Variants in MN1 observed in about 807,000 individuals in gnomAD.
MN1 encodes transcriptional activator MN1.
In MN1, 19 loss-of-function variants were observed where a neutral mutation model predicts 86.9. That is an observed-to-expected ratio of 0.22 (90% CI 0.15 to 0.32). The LOEUF (loss-of-function observed/expected upper bound fraction) is 0.32. MN1 is among the 10% of genes least tolerant of loss of function. MN1 has a pLI of 1.00. For missense variants in MN1, 1,841 were observed against 1,862.0 expected (o/e 0.99, Z 0.21); for synonymous variants, 928 against 849.6 (o/e 1.09, Z -1.60).
chr22:27,781,192 A>C (rs1933049200), intron 1 of MN1, among the ~76,000 whole-genome samples: 1 of 152,100 alleles, frequency 6.6e-6, no homozygotes, highest in Non-Finnish European at 1.5e-5. Flanking sequence ...TGGCCTCCCA[A>C]AGTGCTGGGA....
chr22:27,799,444 A>T lies in MN1; in HGVS notation c.1100T>A (p.Leu367His). 6.1e-6 allele frequency: 9 copies of T among 1,465,642 alleles called. No homozygotes were observed. The highest frequency in any genetic ancestry group is 8.1e-6 in the Non-Finnish European group (9 of 1,111,770). The allele number at this position is 1,465,642 out of a possible 1,614,324, so 90.8% of individuals were successfully genotyped here. ...CGGGCACGAATTTTGTCGGACTAGAAGCCCGGGTGGCGGCGGCGGCTGCTG... is the reference window on the plus strand; with the variant it reads ...CGGGCACGAATTTTGTCGGACTAGATGCCCGGGTGGCGGCGGCGGCTGCTG... ...PQQQPPPPPG[L>H]LVRQNSCPPA... Residue 367 changes from leucine (L) to histidine (H), a missense_variant, in exon 1 of 2, where the codon CTT becomes CAT. Physicochemically the swap from Leu to His is moderately conservative, Grantham distance 99 (BLOSUM62 -3). Coordinates refer to ENST00000302326, the MANE Select transcript of MN1 (RefSeq NM_002430.3).
chr22:27,794,011 GCTGGTA>G (rs1933250298), intron 1 of MN1, among the ~76,000 whole-genome samples: 1 of 152,132 alleles, frequency 6.6e-6, no homozygotes, highest in African/African-American at 2.4e-5. Flanking sequence ...AAATGCTGGG[GCTGGTA>G]CCTAGAGAAG....
chr22:27,782,085 AACT>A (rs1224827132), intron 1 of MN1, among the ~76,000 whole-genome samples: 1 of 152,148 alleles, frequency 6.6e-6, no homozygotes. Flanking sequence ...CATATCAGGG[AACT>A]ATTCCTTGGG....
At chr22:27,795,135 T>C (rs191370506) in intron 1 of MN1, among the ~76,000 whole-genome samples, 2 of 152,172 alleles carry the variant, frequency 1.3e-5, no homozygotes, top group Admixed American at 1.3e-4. Flanking sequence ...GGGAGAAGCC[T>C]GGAGAATGCT....
chr22:27,751,068 T>C lies in MN1; in HGVS notation c.3810A>G (p.Ser1270=). The C allele has an allele frequency of 1.3e-6, 2 of 1,591,326 alleles. No individual in the cohort carries two copies. Among genetic ancestry groups the C allele is most frequent in the Non-Finnish European group, 1.7e-6 (2 of 1,165,580 alleles). The change falls in exon 2 of 2, where the codon TCA becomes TCG. Residue 1270 remains serine, a synonymous_variant. Transcript: ENST00000302326. ...GCAAGTGGCTGCCAGGCTGGGATGC[T>C]GAGGCCTTGTTTGCAGGGAGGTCGT... ...EAHDLPANKA[S]ASQPGSHLQC...
chr22:27,798,511 C>T lies in MN1; in HGVS notation c.2033G>A (p.Gly678Asp). 3 of 1,535,712 alleles carry T rather than the reference C, an allele frequency of 2.0e-6. No homozygotes were observed. The highest frequency in any genetic ancestry group is 1.2e-5 in the South Asian group (1 of 80,890). ...PPGGSGVLFR[G>D]PLQEPMRMPG... is the part of the protein sequence containing the mutation. ...CATCCTCATCGGCTCCTGCAGAGGG[C>T]CCCGGAACAGCACCCCCGAGCCACC... The change falls in exon 1 of 2, where the codon GGC (glycine) becomes GAC (aspartate). Residue 678 changes from glycine to aspartate, a missense_variant. By Grantham distance (94) the Gly-to-Asp change is moderately conservative. Coordinates refer to ENST00000302326, the MANE Select transcript of MN1 (RefSeq NM_002430.3).
chr22:27,758,885 G>A (rs537937266), intron 1 of MN1, among the ~76,000 whole-genome samples: 1 of 152,238 alleles, frequency 6.6e-6, no homozygotes, highest in Non-Finnish European at 1.5e-5. Context: ...GAGTGCAGTG[G>A]CATGATCACA....
At chr22:27,775,738 C>T (rs1354145835) in intron 1 of MN1, among the ~76,000 whole-genome samples, 1 of 152,218 alleles carries the variant, frequency 6.6e-6, no homozygotes, top group Admixed American at 6.5e-5. Flanking sequence ...AGAGTCCCCT[C>T]CGACTCTAAT....
rs771246945 is a variant in MN1, at chr22:27,798,944, G to GC, written c.1599_1600insG (p.Gln534AlafsTer26). The GC allele has an allele frequency of 2.5e-4, 396 of 1,563,572 alleles. No homozygotes were observed. In the African/African-American group the frequency reaches 3.2e-3, roughly 13 times the overall value. On this transcript the variant is annotated frameshift_variant, in exon 1 of 2. Coordinates refer to ENST00000302326, the MANE Select transcript of MN1 (RefSeq NM_002430.3). LOFTEE classifies it high-confidence loss of function. ...TGCTGTTGCTGCTGCTGCTGCTGCT[G>GC]TTGCTGCTGCTGCTGCTGCTGCTGC...
Position 27,750,697 on chromosome 22 carries a change from CT to C in MN1, c.*217del, listed in dbSNP as rs1568968755. 1 of 413,794 alleles carries C rather than the reference CT, an allele frequency of 2.4e-6. No homozygotes were observed. Among genetic ancestry groups the C allele is most frequent in the African/African-American group, 2.0e-5 (1 of 49,382 alleles). 25.6% of individuals were successfully genotyped at this position (413,794 alleles called of 1,614,324 possible). On this transcript the variant is annotated 3_prime_UTR_variant, in exon 2 of 2. Coordinates refer to ENST00000302326, the MANE Select transcript of MN1 (RefSeq NM_002430.3). ...GTAACATACTGTGGCAGACAAGTTT[CT>C]TTTTTAAAAAAACTTTTGAGGTTCC... is the stretch of plus-strand genomic sequence containing the variant.
At chr22:27,785,487 T>A (rs1933118048) in intron 1 of MN1, among the ~76,000 whole-genome samples, 1 of 152,242 alleles carries the variant, frequency 6.6e-6, no homozygotes, top group African/African-American at 2.4e-5. Flanking sequence ...AAAGTTTTTT[T>A]AAAGTCTTCC....
chr22:27,790,372 G>A (rs553586195), intron 1 of MN1, among the ~76,000 whole-genome samples: 5 of 152,304 alleles, frequency 3.3e-5, no homozygotes, highest in South Asian at 2.1e-4. Context: ...TCCTGTCATC[G>A]GAAGATGGCA....
chr22:27,790,702 G>C (rs1933199647), intron 1 of MN1, among the ~76,000 whole-genome samples: 1 of 142,042 alleles, frequency 7.0e-6, no homozygotes. Flanking sequence ...GGGGAGTAAA[G>C]AAGGGGAGGG....
At chr22:27,787,597 A>G (rs1424650035) in intron 1 of MN1, among the ~76,000 whole-genome samples, 1 of 152,188 alleles carries the variant, frequency 6.6e-6, no homozygotes, top group African/African-American at 2.4e-5. Context: ...GCACACTTGC[A>G]TTTCAAGGCA....
chr22:27,755,094 C>G (rs185269461), intron 1 of MN1, among the ~76,000 whole-genome samples: 1 of 152,324 alleles, frequency 6.6e-6, no homozygotes, highest in East Asian at 1.9e-4. Flanking sequence ...GGGTCACCCA[C>G]GGCCATGTCA....
rs1932720659 is a variant in MN1, at chr22:27,748,577, A to C, written c.*2338T>G. The stretch of plus-strand genomic sequence containing the variant: ...TTTCCCAAAGAGTTTGCTATGCAGT[A>C]CTGATTACCAGTGTTCGGAGTCTAG... On this transcript the variant is annotated 3_prime_UTR_variant, in exon 2 of 2. Transcript: ENST00000302326. 1 of 207,802 alleles carries C rather than the reference A, an allele frequency of 4.8e-6. No homozygotes were observed. Among genetic ancestry groups the C allele is most frequent in the South Asian group, 1.9e-4 (1 of 5,306 alleles). 12.9% of individuals were successfully genotyped at this position (207,802 alleles called of 1,614,324 possible). A position where few individuals can be genotyped will look rare whatever the true frequency, so the allele number is the denominator to read the frequency against.
intron 1 of MN1, among the ~76,000 whole-genome samples, chr22:27,775,599 G>A (rs972770020): frequency 1.7e-4 from 26 of 152,156 alleles, no homozygotes; most frequent in African/African-American, 6.3e-4. Flanking sequence ...ACACCCACAG[G>A]TGCTCAGGAC....
chr22:27,755,914 C>CT (rs781209361), intron 1 of MN1, among the ~76,000 whole-genome samples: 15 of 152,226 alleles, frequency 9.9e-5, no homozygotes, highest in Non-Finnish European at 1.8e-4. Flanking sequence ...GAGCAAGGAA[C>CT]TTTTGTACAT....
chr22:27,796,760 T>G lies in MN1; in HGVS notation c.3781+3A>C. ...AGTGAGAGGAAAACGAGTGTGCATATACCTTCTTTGCTGTTGGGGTTCTGG... is the reference window on the plus strand; with the variant it reads ...AGTGAGAGGAAAACGAGTGTGCATAGACCTTCTTTGCTGTTGGGGTTCTGG... On this transcript the variant is annotated splice_donor_region_variant and intron_variant, in intron 1 of 1. Coordinates refer to ENST00000302326, the MANE Select transcript of MN1 (RefSeq NM_002430.3). The G allele has an allele frequency of 6.3e-7, 1 of 1,591,174 alleles. No individual in the cohort carries two copies. The highest frequency in any genetic ancestry group is 8.5e-7 in the Non-Finnish European group (1 of 1,172,588).
Sources: allele counts gnomAD v4.1 joint callset (sites outside exome capture counted in the v4.1 genomes callset), GRCh38; gene constraint gnomAD v4.1.1; transcripts MANE v1.5; gene names NCBI Gene and HGNC (gene_info 2026-07-23, HGNC 2026-07-21).